CNTNAP5: variants seen among roughly 807,000 people sequenced by gnomAD.
CNTNAP5 encodes contactin associated protein family member 5, also known as contactin-associated protein-like 5.
CNTNAP5 carries 72 observed loss-of-function variants against 150.2 expected under a neutral mutation model. The ratio of observed to expected loss-of-function variants is 0.48; its 90% CI spans 0.40 to 0.58. The LOEUF is 0.58. Ranked by LOEUF, CNTNAP5 falls within the 20% of genes least tolerant of loss-of-function variation. The pLI, the probability that CNTNAP5 is intolerant of heterozygous loss-of-function variation, is 0.00. For missense variants in CNTNAP5, 1,636 were observed against 1,626.2 expected (o/e 1.01, Z -0.10); for synonymous variants, 672 against 619.8 (o/e 1.08, Z -1.25).
intron 1 of CNTNAP5, among the ~76,000 whole-genome samples, chr2:124,093,790 C>T (rs1306317475): frequency 6.6e-6 from 1 of 152,182 alleles, no homozygotes; most frequent in Non-Finnish European, 1.5e-5. Context: ...ATTTGCATGT[C>T]AGCTTGATAG....
At chr2:124,226,454 G>GT (rs543379543) in intron 2 of CNTNAP5, among the ~76,000 whole-genome samples, 4 of 152,120 alleles carry the variant, frequency 2.6e-5, no homozygotes, top group African/African-American at 4.8e-5. Context: ...TGGGTTATTT[G>GT]TTTTTTTGCT....
chr2:124,781,803 C>T (rs1681458788), intron 17 of CNTNAP5, among the ~76,000 whole-genome samples: 1 of 152,212 alleles, frequency 6.6e-6, no homozygotes, highest in Admixed American at 6.5e-5. Context: ...TTCCCACAAA[C>T]TCTTATCCTC....
intron 1 of CNTNAP5, among the ~76,000 whole-genome samples, chr2:124,156,132 C>A (rs1202241613): frequency 6.6e-6 from 1 of 152,152 alleles, no homozygotes; most frequent in Admixed American, 6.5e-5. Context: ...ATCTTGATTT[C>A]GTAAAAGGGT....
chr2:124,482,033 T>C (rs561634061), intron 7 of CNTNAP5, among the ~76,000 whole-genome samples: 2 of 152,196 alleles, frequency 1.3e-5, no homozygotes, highest in South Asian at 4.1e-4. Context: ...AATCTTCAAG[T>C]GCTTTTTAAA....
chr2:124,064,090 T>C (rs142066568), intron 1 of CNTNAP5, among the ~76,000 whole-genome samples: 5 of 152,084 alleles, frequency 3.3e-5, no homozygotes, highest in Non-Finnish European at 7.4e-5. Flanking sequence ...GGAGAGAAAC[T>C]CAATCTCTGA....
intron 19 of CNTNAP5, among the ~76,000 whole-genome samples, chr2:124,803,550 C>G (rs749367863): frequency 6.6e-5 from 10 of 152,148 alleles, no homozygotes; most frequent in Non-Finnish European, 1.0e-4. Flanking sequence ...GTTCCCAGAT[C>G]ACCTTCTGGG....
At chr2:124,839,941 A>G (rs955510716) in intron 19 of CNTNAP5, among the ~76,000 whole-genome samples, 2 of 152,182 alleles carry the variant, frequency 1.3e-5, no homozygotes, top group African/African-American at 4.8e-5. Context: ...CAACCTTGCC[A>G]TAAGTGAACA....
Position 124,563,333 on chromosome 2 carries a change from T to C in CNTNAP5, c.1756+10T>C, listed in dbSNP as rs372635913. On this transcript the variant is annotated intron_variant, in intron 11 of 23. Coordinates refer to ENST00000682447, the MANE Select transcript of CNTNAP5 (RefSeq NM_001367498.1). ...GCCACCTGCCACAACTGTGAGTAGA[T>C]TGATCATTTGCCCCTGGTGGCTTGG... 3 of 1,516,326 alleles carry C rather than the reference T, an allele frequency of 2.0e-6. No homozygotes were observed. The highest frequency in any genetic ancestry group is 2.7e-6 in the Non-Finnish European group (3 of 1,112,878). 93.9% of individuals were successfully genotyped at this position (1,516,326 alleles called of 1,614,324 possible). A position where few individuals can be genotyped will look rare whatever the true frequency, so the allele number is the denominator to read the frequency against.
At chr2:124,451,029 T>TAA (rs1156744323) in intron 6 of CNTNAP5, among the ~76,000 whole-genome samples, 239 of 20,030 alleles carry the variant, frequency 0.012, 27 homozygotes, top group African/African-American at 0.038. Flanking sequence ...CCATGTCTCT[T>TAA]AAAAAAAAAA....
intron 8 of CNTNAP5, among the ~76,000 whole-genome samples, chr2:124,509,143 C>T (rs1694493855): frequency 6.6e-6 from 1 of 152,174 alleles, no homozygotes; most frequent in African/African-American, 2.4e-5. Flanking sequence ...TGCCTCACAC[C>T]TTCAACCCTG....
intron 13 of CNTNAP5, among the ~76,000 whole-genome samples, chr2:124,675,019 C>T: frequency 6.6e-6 from 1 of 151,804 alleles, no homozygotes; most frequent in East Asian, 1.9e-4. Context: ...GATCTTCTGC[C>T]TACTTCTATT....
At chr2:124,463,543 C>T (rs1323224810) in intron 6 of CNTNAP5, among the ~76,000 whole-genome samples, 4 of 152,136 alleles carry the variant, frequency 2.6e-5, no homozygotes, top group Non-Finnish European at 4.4e-5. Context: ...ACATGCGTGG[C>T]GTCTGCTGCT....
intron 3 of CNTNAP5, among the ~76,000 whole-genome samples, chr2:124,288,285 C>A (rs1688204144): frequency 6.6e-6 from 1 of 152,140 alleles, no homozygotes; most frequent in South Asian, 2.1e-4. Flanking sequence ...TACCAGATAG[C>A]AAAACTTTTT....
rs541802693 is a variant in CNTNAP5 at position 124,594,357 on chromosome 2, C to T, written c.1757-15444C>T. Among the ~76,000 whole-genome samples, 57 of 151,288 alleles carry T rather than the reference C, an allele frequency of 3.8e-4. 1 individual carries two copies. Among genetic ancestry groups the T allele is most frequent in the African/African-American group, 1.4e-3 (56 of 41,220 alleles). On this transcript the variant is annotated intron_variant, in intron 11 of 23. Transcript: ENST00000682447. ...TCCAGTTTCAGCTTTCTACATATGGCTAGCCAGTTTTCCCAGCATCGTTTA... is the reference window on the plus strand; with the variant it reads ...TCCAGTTTCAGCTTTCTACATATGGTTAGCCAGTTTTCCCAGCATCGTTTA...
At chr2:124,599,162 T>C (rs184449431) in intron 11 of CNTNAP5, among the ~76,000 whole-genome samples, 1 of 152,262 alleles carries the variant, frequency 6.6e-6, no homozygotes, top group Non-Finnish European at 1.5e-5. Context: ...CCATCTTGGC[T>C]CCTCCCACCT....
chr2:124,788,923 A>G (rs1681658456), intron 17 of CNTNAP5, among the ~76,000 whole-genome samples: 1 of 152,062 alleles, frequency 6.6e-6, no homozygotes, highest in Admixed American at 6.6e-5. Flanking sequence ...ATGTACCACC[A>G]TGCCTGGCCT....
intron 2 of CNTNAP5, among the ~76,000 whole-genome samples, chr2:124,240,875 T>G (rs911385865): frequency 6.6e-6 from 1 of 152,142 alleles, no homozygotes; most frequent in Non-Finnish European, 1.5e-5. Context: ...GAGCTGGGGC[T>G]CTAGAAAACT....
chr2:124,675,441 A>G (rs1393822280), intron 13 of CNTNAP5, among the ~76,000 whole-genome samples: 7 of 152,026 alleles, frequency 4.6e-5, no homozygotes, highest in Non-Finnish European at 8.8e-5. Context: ...GATTAATTTA[A>G]TTCACTTATA....
At chr2:124,428,061 T>G (rs1008991907) in intron 4 of CNTNAP5, among the ~76,000 whole-genome samples, 1 of 152,180 alleles carries the variant, frequency 6.6e-6, no homozygotes, top group Non-Finnish European at 1.5e-5. Context: ...TGATTCCTGA[T>G]AGATCCTAGA....
Sources: allele counts gnomAD v4.1 joint callset (sites outside exome capture counted in the v4.1 genomes callset), GRCh38; gene constraint gnomAD v4.1.1; transcripts MANE v1.5; gene names NCBI Gene and HGNC (gene_info 2026-07-23, HGNC 2026-07-21).